The following PCDHA4 variants were observed in gnomAD, a reference collection of about 807,000 sequenced individuals.
PCDHA4 encodes protocadherin alpha 4.
PCDHA4 carries 49 observed loss-of-function variants against 61.4 expected under a neutral mutation model. That is an observed-to-expected ratio of 0.80 (90% CI 0.63 to 1.01). The LOEUF (loss-of-function observed/expected upper bound fraction) is 1.01. Ranked by LOEUF, PCDHA4 falls within the 50% of genes least tolerant of loss-of-function variation. The probability of loss-of-function intolerance (pLI) is 0.00; values close to 1 mark genes in which losing one functional copy is unlikely to be tolerated. For synonymous variants in PCDHA4, 590 were observed against 550.3 expected (o/e 1.07, Z -1.01); for missense variants, 1,254 against 1,235.8 (o/e 1.01, Z -0.22).
At chr5:140,982,159 G>A (rs1466298378) in intron 2 of PCDHA4, among the ~76,000 whole-genome samples, 1 of 152,262 alleles carries the variant, frequency 6.6e-6, no homozygotes, top group African/African-American at 2.4e-5. Flanking sequence ...GTATCGAGAT[G>A]TTAAAATGGC....
chr5:140,820,904 G>T (rs1766854844), intron 1 of PCDHA4, among the ~76,000 whole-genome samples: 1 of 151,816 alleles, frequency 6.6e-6, no homozygotes, highest in South Asian at 2.1e-4. Context: ...TACCAAAGTC[G>T]TTCTATTATG....
rs1329189325 is a variant in PCDHA4, at chr5:141,010,310, G to C, written c.*373G>C. The C allele has an allele frequency of 6.5e-7, 1 of 1,547,658 alleles. No individual in the cohort carries two copies. The highest frequency in any genetic ancestry group is 8.7e-7 in the Non-Finnish European group (1 of 1,145,866). ...CTTGCAGGGCAGGCTGAAAAGTTTT[G>C]AGATTGAGCAGCTTGGGAGTTTGTG... On this transcript the variant is annotated 3_prime_UTR_variant, in exon 4 of 4. Coordinates refer to ENST00000530339, the MANE Select transcript of PCDHA4 (RefSeq NM_018907.4).
intron 1 of PCDHA4, chr5:140,863,121 G>C (rs1554157790): frequency 1.7e-6 from 1 of 592,122 alleles, no homozygotes; most frequent in South Asian, 1.4e-5. Flanking sequence ...CGAAAGCTAC[G>C]CGCCACCGCC....
At chr5:140,840,202 A>G (rs1426103909) in intron 1 of PCDHA4, among the ~76,000 whole-genome samples, 1 of 152,086 alleles carries the variant, frequency 6.6e-6, no homozygotes, top group African/African-American at 2.4e-5. Flanking sequence ...AAGGAAAAGA[A>G]GTCATAAAAA....
At position 140,902,128 on chromosome 5, in the gene PCDHA4, A is replaced by T. The variant is rs140093707; in HGVS notation, c.2386-76821A>T. On this transcript the variant is annotated intron_variant, in intron 1 of 3. Transcript: ENST00000530339. ...ATTTTTTTAAAACTGAGATTATATC[A>T]TCTGCAAACAAGGATAATTTGATTT... Among the ~76,000 whole-genome samples the T allele has an allele frequency of 8.6e-3, 1,299 of 150,978 alleles. 13 individuals are homozygous for T. Among genetic ancestry groups the T allele is most frequent in the African/African-American group, 0.03 (1,241 of 41,218 alleles).
intron 1 of PCDHA4, chr5:140,827,972 T>C: frequency 7.9e-6 from 11 of 1,394,734 alleles, no homozygotes; most frequent in Non-Finnish European, 9.7e-6. Flanking sequence ...TACTGCATCA[T>C]TCCCTGACTG....
chr5:140,929,613 C>A, intron 1 of PCDHA4: 6 of 406,162 alleles, frequency 1.5e-5, no homozygotes, highest in Non-Finnish European at 2.7e-5. Flanking sequence ...AATAAAATAC[C>A]AAAATATTTT....
chr5:140,863,354 T>C, intron 1 of PCDHA4: 1 of 1,283,244 alleles, frequency 7.8e-7, no homozygotes, highest in Non-Finnish European at 1.1e-6. Flanking sequence ...TACACGACGC[T>C]GCGGTGCTTG....
At chr5:140,873,665 A>G (rs1554166831) in intron 1 of PCDHA4, among the ~76,000 whole-genome samples, 1 of 152,034 alleles carries the variant, frequency 6.6e-6, no homozygotes. Flanking sequence ...CACTATTATT[A>G]TTTGTTTCTT....
At chr5:140,835,552 C>T (rs2150238034) in intron 1 of PCDHA4, 8 of 1,613,942 alleles carry the variant, frequency 5.0e-6, no homozygotes, top group East Asian at 2.2e-5. Flanking sequence ...TGCTCCCTGA[C>T]GCCCCGCGTT....
chr5:140,988,526 G>C (rs1330767394), intron 3 of PCDHA4, among the ~76,000 whole-genome samples: 2 of 152,088 alleles, frequency 1.3e-5, no homozygotes, highest in Admixed American at 1.3e-4. Flanking sequence ...GTCTCTGCTG[G>C]CTCCATCCAT....
Position 140,884,409 on chromosome 5 carries a change from C to G in PCDHA4, c.2385+74837C>G, listed in dbSNP as rs373513056. The G allele has an allele frequency of 2.7e-5, 43 of 1,613,874 alleles. No individual in the cohort carries two copies. The highest frequency in any genetic ancestry group is 4.0e-5 in the African/African-American group (3 of 74,930). On this transcript the variant is annotated intron_variant, in intron 1 of 3. Coordinates refer to ENST00000530339, the MANE Select transcript of PCDHA4 (RefSeq NM_018907.4). ...GCGGTGTCCAGCCTGTTGGTGCTCA[C>G]GTTGCTGCTGTATACTGCGCTGCGG...
intron 1 of PCDHA4, among the ~76,000 whole-genome samples, chr5:140,920,124 G>A (rs1261931835): frequency 2.6e-5 from 4 of 152,152 alleles, no homozygotes; most frequent in African/African-American, 4.8e-5. Flanking sequence ...AACATCTTGA[G>A]TTTTAATTCT....
chr5:140,875,738 G>A (rs1197047985), intron 1 of PCDHA4: 2 of 1,614,204 alleles, frequency 1.2e-6, no homozygotes, highest in Non-Finnish European at 1.7e-6. Context: ...GTGAATTCTC[G>A]GATCGACCGC....
intron 1 of PCDHA4, among the ~76,000 whole-genome samples, chr5:140,919,033 G>T (rs149900813): frequency 6.6e-6 from 1 of 152,282 alleles, no homozygotes; most frequent in African/African-American, 2.4e-5. Flanking sequence ...CTGCCTAGTT[G>T]TTGTCCATTA....
At chr5:140,877,323 C>A in intron 1 of PCDHA4, 1 of 1,613,988 alleles carries the variant, frequency 6.2e-7, no homozygotes, top group Non-Finnish European at 8.5e-7. Context: ...CGGCGGTCGG[C>A]GCGCACATCC....
chr5:140,870,480 C>T, intron 1 of PCDHA4: 1 of 1,614,236 alleles, frequency 6.2e-7, no homozygotes, highest in Non-Finnish European at 8.5e-7. Context: ...AGCCCGAGTA[C>T]ACCGTGTTCG....
At chr5:140,814,827 C>G (rs2126659222) in intron 1 of PCDHA4, 17 of 152,166 alleles carry the variant, frequency 1.1e-4, no homozygotes, top group Non-Finnish European at 2.2e-4. Context: ...CTATCTATTT[C>G]TCCATTTCTG....
intron 1 of PCDHA4, chr5:140,851,576 G>C: frequency 1.1e-6 from 1 of 913,534 alleles, no homozygotes; most frequent in Non-Finnish European, 1.3e-6. Context: ...TCTACACTTA[G>C]AACATTTTTT....
Sources: allele counts gnomAD v4.1 joint callset (sites outside exome capture counted in the v4.1 genomes callset), GRCh38; gene constraint gnomAD v4.1.1; transcripts MANE v1.5; gene names NCBI Gene and HGNC (gene_info 2026-07-23, HGNC 2026-07-21).